CARMIL1: variants seen among roughly 807,000 people sequenced by gnomAD.
CARMIL1 encodes the protein capping protein regulator and myosin 1 linker 1, also known as F-actin-uncapping protein LRRC16A.
Under a neutral mutation model 177.1 loss-of-function variants are expected in CARMIL1, and 90 were observed. The ratio of observed to expected loss-of-function variants is 0.51; its 90% CI spans 0.43 to 0.61. The LOEUF (loss-of-function observed/expected upper bound fraction) is 0.61. CARMIL1 is among the 20% of genes least tolerant of loss of function. The probability of loss-of-function intolerance (pLI) is 0.00; values close to 1 mark genes in which losing one functional copy is unlikely to be tolerated. For missense variants in CARMIL1, 1,380 were observed against 1,667.0 expected (o/e 0.83, Z 3.00); for synonymous variants, 577 against 606.2 (o/e 0.95, Z 0.71).
intron 2 of CARMIL1, among the ~76,000 whole-genome samples, chr6:25,387,450 AAACATT>A (rs1485662298): frequency 6.6e-6 from 1 of 152,368 alleles, no homozygotes; most frequent in Admixed American, 6.5e-5. Context: ...AAGACAAATG[AAACATT>A]AACATAAGTT....
At chr6:25,511,136 T>C (rs1245289087) in intron 20 of CARMIL1, among the ~76,000 whole-genome samples, 3 of 152,172 alleles carry the variant, frequency 2.0e-5, no homozygotes, top group East Asian at 3.9e-4. Flanking sequence ...CTGAGAAATA[T>C]CATATTGCTA....
chr6:25,510,439 T>A, intron 18 of CARMIL1, 68 bp from the exon 19 acceptor site: 3 of 935,922 alleles, frequency 3.2e-6, no homozygotes, highest in Non-Finnish European at 3.2e-6. Flanking sequence ...TTTGCTTAAT[T>A]GTGTTCCAGC....
intron 2 of CARMIL1, among the ~76,000 whole-genome samples, chr6:25,344,597 A>G (rs1367997914): frequency 1.3e-5 from 2 of 152,102 alleles, no homozygotes; most frequent in African/African-American, 4.8e-5. Flanking sequence ...TTGTGTTTCC[A>G]CTGTCTCTTC....
chr6:25,563,166 A>G (rs1236216983), intron 29 of CARMIL1: 1 of 943,488 alleles, frequency 1.1e-6, no homozygotes. Flanking sequence ...AAGTGAAATA[A>G]TTTCTCTAAA....
At chr6:25,429,523 A>C (rs781351508) in intron 4 of CARMIL1, among the ~76,000 whole-genome samples, 1 of 152,202 alleles carries the variant, frequency 6.6e-6, no homozygotes, top group Non-Finnish European at 1.5e-5. Context: ...AAGTGGCAAG[A>C]GCAAATCTTC....
intron 31 of CARMIL1, among the ~76,000 whole-genome samples, chr6:25,590,266 T>C (rs1273082859): frequency 6.6e-6 from 1 of 152,256 alleles, no homozygotes; most frequent in African/African-American, 2.4e-5. Context: ...TTGAGACTGA[T>C]AATTTTTCTT....
At chr6:25,603,990 G>A (rs1410792321) in intron 33 of CARMIL1, among the ~76,000 whole-genome samples, 1 of 152,118 alleles carries the variant, frequency 6.6e-6, no homozygotes, top group Non-Finnish European at 1.5e-5. Flanking sequence ...CTACCTCAAA[G>A]CAAGGAAGAC....
At chr6:25,438,565 G>A (rs1183851251) in intron 5 of CARMIL1, among the ~76,000 whole-genome samples, 1 of 152,224 alleles carries the variant, frequency 6.6e-6, no homozygotes, top group Non-Finnish European at 1.5e-5. Flanking sequence ...GTAGGGCAAA[G>A]AATATCATCT....
intron 2 of CARMIL1, among the ~76,000 whole-genome samples, chr6:25,415,262 A>T (rs951322914): frequency 6.6e-6 from 1 of 152,010 alleles, no homozygotes; most frequent in African/African-American, 2.4e-5. Flanking sequence ...TCTTGGACTC[A>T]AGAGATCCTC....
At chr6:25,436,569 T>C (rs746410363) in intron 5 of CARMIL1, among the ~76,000 whole-genome samples, 14 of 152,244 alleles carry the variant, frequency 9.2e-5, no homozygotes, top group Admixed American at 8.5e-4. Flanking sequence ...TTAAACCTTA[T>C]GGATGACTAA....
chr6:25,286,710 A>T (rs1294427885), intron 2 of CARMIL1, among the ~76,000 whole-genome samples: 1 of 152,202 alleles, frequency 6.6e-6, no homozygotes, highest in Non-Finnish European at 1.5e-5. Context: ...TTGCTATGAC[A>T]GTCTAAAAAA....
intron 2 of CARMIL1, among the ~76,000 whole-genome samples, chr6:25,400,779 C>T (rs917827140): frequency 3.3e-5 from 5 of 152,160 alleles, no homozygotes; most frequent in Non-Finnish European, 7.3e-5. Flanking sequence ...CTGCCTTTCT[C>T]TATGTTAGCA....
chr6:25,452,522 T>C (rs1799079157), intron 8 of CARMIL1: 1 of 248,074 alleles, frequency 4.0e-6, no homozygotes, highest in East Asian at 8.0e-5. Context: ...ATTTACAATA[T>C]TATAAATTAA....
chr6:25,395,263 C>T (rs143823081), intron 2 of CARMIL1, among the ~76,000 whole-genome samples: 1 of 152,302 alleles, frequency 6.6e-6, no homozygotes, highest in African/African-American at 2.4e-5. Flanking sequence ...AGAGGACGTA[C>T]AGGATACAGA....
intron 2 of CARMIL1, among the ~76,000 whole-genome samples, chr6:25,312,208 T>C (rs144220706): frequency 2.0e-4 from 30 of 149,270 alleles, no homozygotes; most frequent in African/African-American, 7.5e-4. Context: ...AGATAAACTT[T>C]AGAGCACCCA....
In CARMIL1 at chr6:25,619,809, T is replaced by A. The variant is rs1399231559; in HGVS notation, c.*226T>A. 1 of 312,484 alleles carries A rather than the reference T, an allele frequency of 3.2e-6. No homozygotes were observed. The highest frequency in any genetic ancestry group is 5.7e-5 in the East Asian group (1 of 17,580). 19.4% of individuals were successfully genotyped at this position (312,484 alleles called of 1,614,324 possible). A position where few individuals can be genotyped will look rare whatever the true frequency, so the allele number is the denominator to read the frequency against. Reference sequence around the variant, plus strand: ...TGGTAATCAAAGCACATTTGTTTGGTCTTCCTCCAACCCTTTGCATTTGAT... The same window carrying A: ...TGGTAATCAAAGCACATTTGTTTGGACTTCCTCCAACCCTTTGCATTTGAT... On this transcript the variant is annotated 3_prime_UTR_variant, in exon 37 of 37. Coordinates refer to ENST00000329474, the MANE Select transcript of CARMIL1 (RefSeq NM_017640.6).
chr6:25,488,477 T>C lies in CARMIL1; in HGVS notation c.962-5T>C. On this transcript the variant is annotated splice_region_variant and splice_polypyrimidine_tract_variant and intron_variant, in intron 12 of 36. Transcript: ENST00000329474. ...AACTGAGCCTGGATTTTCTTGATGT[T>C]GCAGGGGTGAACAGCCTTTCTCAGT... 1.9e-6 allele frequency: 3 copies of C among 1,612,002 alleles called. No individual in the cohort carries two copies. Among genetic ancestry groups the C allele is most frequent in the Non-Finnish European group, 2.5e-6 (3 of 1,178,020 alleles).
At chr6:25,565,035 T>A (rs567923573) in intron 29 of CARMIL1, among the ~76,000 whole-genome samples, 60 of 152,234 alleles carry the variant, frequency 3.9e-4, no homozygotes, top group African/African-American at 1.4e-3. Flanking sequence ...CAATGAGAGA[T>A]GGCATGAGAA....
chr6:25,611,319 G>A (rs1816488471), intron 36 of CARMIL1, among the ~76,000 whole-genome samples: 1 of 152,214 alleles, frequency 6.6e-6, no homozygotes, highest in East Asian at 1.9e-4. Flanking sequence ...TTGAAAAGTA[G>A]CTGGTATCTA....
Sources: gnomAD v4.1 joint callset for allele counts (sites outside exome capture counted in the v4.1 genomes callset) on GRCh38, gnomAD v4.1.1 for gene constraint, MANE v1.5 for transcripts, NCBI Gene and HGNC (gene_info 2026-07-23, HGNC 2026-07-21) for gene names.